Variants in GALNT18 observed in about 807,000 individuals in gnomAD.
GALNT18 encodes polypeptide N-acetylgalactosaminyltransferase 18.
In GALNT18, 44 loss-of-function variants were observed where a neutral mutation model predicts 69.5. The ratio of observed to expected loss-of-function variants is 0.63; its 90% CI spans 0.50 to 0.81. GALNT18 has a LOEUF of 0.81. GALNT18 is among the 40% of genes least tolerant of loss of function. The pLI is 0.00. For synonymous variants in GALNT18, 364 were observed against 318.2 expected (o/e 1.14, Z -1.53); for missense variants, 715 against 810.0 (o/e 0.88, Z 1.42).
chr11:11,327,952 C>T (rs1849953554), intron 8 of GALNT18, among the ~76,000 whole-genome samples: 1 of 152,172 alleles, frequency 6.6e-6, no homozygotes, highest in South Asian at 2.1e-4. Flanking sequence ...CACTCTCTTT[C>T]TCTGCCTCTC....
In GALNT18 at chr11:11,327,108, A is replaced by T; in HGVS notation, c.1490T>A (p.Ile497Asn). 4 of 1,613,714 alleles carry T rather than the reference A, an allele frequency of 2.5e-6. No individual in the cohort carries two copies. Among genetic ancestry groups the T allele is most frequent in the Non-Finnish European group, 3.4e-6 (4 of 1,179,626 alleles). ...CACCTGAGGCGTCATCCCATGGCAG[A>T]TGTACATGATGGGGACATTCTCTGT... is the stretch of plus-strand genomic sequence containing the variant. Reference protein sequence around the residue: ...PDTENVPIMYICHGMTPQNVY... With the variant: ...PDTENVPIMYNCHGMTPQNVY... The change falls in exon 9 of 11, where the codon ATC becomes AAC. Residue 497 changes from isoleucine (I) to asparagine (N), a missense_variant. Ile to Asn is a moderately radical substitution (Grantham distance 149). Transcript: ENST00000227756.
At chr11:11,364,249 C>A (rs991015729) in intron 6 of GALNT18, among the ~76,000 whole-genome samples, 1 of 152,210 alleles carries the variant, frequency 6.6e-6, no homozygotes, top group African/African-American at 2.4e-5. Flanking sequence ...TAAAATATTA[C>A]TATTTGGTAA....
intron 9 of GALNT18, among the ~76,000 whole-genome samples, chr11:11,296,816 T>C (rs1407240686): frequency 2.6e-5 from 4 of 152,156 alleles, no homozygotes; most frequent in African/African-American, 9.7e-5. Context: ...ATCACAAGGC[T>C]GGCAGATCAC....
In GALNT18 at chr11:11,430,145, TA is replaced by T. The variant is rs774751663; in HGVS notation, c.595+2475del. Reference sequence around the variant, plus strand: ...GACCCTGTCTCAAAAAAAACCAAAATAAAAAAAAGAATGCTTTTTAAAACAG... The same window carrying T: ...GACCCTGTCTCAAAAAAAACCAAAATAAAAAAAGAATGCTTTTTAAAACAG... On this transcript the variant is annotated intron_variant, in intron 3 of 10. Transcript: ENST00000227756. The surrounding 1 kb of genome is among the most constrained non-coding windows in gnomAD (Gnocchi z 4.9). Among the ~76,000 whole-genome samples the T allele has an allele frequency of 1.7e-3, 252 of 151,870 alleles. 1 individual carries two copies. The highest frequency in any genetic ancestry group is 3.4e-3 in the Middle Eastern group (1 of 294).
chr11:11,473,567 T>C (rs988442866), intron 1 of GALNT18, among the ~76,000 whole-genome samples: 2 of 152,118 alleles, frequency 1.3e-5, no homozygotes, highest in Non-Finnish European at 2.9e-5. Flanking sequence ...CAGAGTGAAA[T>C]ATGTGAGCTT....
intron 10 of GALNT18, among the ~76,000 whole-genome samples, chr11:11,284,671 C>G (rs1031795467): frequency 6.6e-5 from 10 of 152,256 alleles, no homozygotes; most frequent in African/African-American, 2.4e-4. Context: ...ATTCCACTTT[C>G]TTTTTTAATT....
intron 3 of GALNT18, among the ~76,000 whole-genome samples, chr11:11,416,387 G>A (rs925557285): frequency 6.6e-6 from 1 of 152,144 alleles, no homozygotes; most frequent in African/African-American, 2.4e-5. Flanking sequence ...TTCCTCCCGA[G>A]ACCAGGGTCG....
At chr11:11,399,209 T>A (rs1281753658) in intron 3 of GALNT18, among the ~76,000 whole-genome samples, 1 of 152,142 alleles carries the variant, frequency 6.6e-6, no homozygotes. Context: ...GAGAAGGGGC[T>A]TTCTGCAACA....
At chr11:11,399,613 A>C (rs1179253038) in intron 3 of GALNT18, among the ~76,000 whole-genome samples, 1 of 152,226 alleles carries the variant, frequency 6.6e-6, no homozygotes, top group Non-Finnish European at 1.5e-5. Flanking sequence ...GTGCAGTATA[A>C]TGGTTAAATG....
At chr11:11,612,647 G>A (rs1259773384) in intron 1 of GALNT18, among the ~76,000 whole-genome samples, 2 of 152,216 alleles carry the variant, frequency 1.3e-5, no homozygotes, top group Non-Finnish European at 2.9e-5. Context: ...GCACAAGTCA[G>A]ACTGGCGAAG....
chr11:11,367,556 G>A (rs1001792717), intron 6 of GALNT18, among the ~76,000 whole-genome samples: 4 of 152,276 alleles, frequency 2.6e-5, no homozygotes, highest in African/African-American at 9.6e-5. Context: ...GGAGAGGAGA[G>A]GGGTCTTTTC....
chr11:11,355,785 G>A (rs1161979621), intron 6 of GALNT18, among the ~76,000 whole-genome samples: 2 of 152,116 alleles, frequency 1.3e-5, no homozygotes, highest in Non-Finnish European at 2.9e-5. Context: ...AAGCAGGCCT[G>A]AGGAATAAAA....
At chr11:11,296,186 A>T (rs1251917798) in intron 9 of GALNT18, among the ~76,000 whole-genome samples, 7 of 152,202 alleles carry the variant, frequency 4.6e-5, no homozygotes, top group African/African-American at 1.7e-4. Context: ...GCCATGCCGC[A>T]TTAGGGAAAC....
chr11:11,451,143 T>G (rs61501466), intron 1 of GALNT18, among the ~76,000 whole-genome samples: 4,539 of 152,066 alleles, frequency 0.03, 240 homozygotes, highest in African/African-American at 0.1. Flanking sequence ...CTTGCCCAAA[T>G]CTCCATCTCA....
chr11:11,405,284 G>A (rs569154644), intron 3 of GALNT18, among the ~76,000 whole-genome samples: 4 of 152,194 alleles, frequency 2.6e-5, no homozygotes, highest in East Asian at 1.9e-4. Context: ...AGAAAACCAC[G>A]GCATCACTGT....
rs1191296320 is a variant in GALNT18, at chr11:11,511,554, T to C, written c.236-62618A>G. Among the ~76,000 whole-genome samples the C allele has an allele frequency of 6.6e-6, 1 of 152,242 alleles. No individual in the cohort carries two copies. Reference sequence around the variant, plus strand: ...AGAAAATCTGAGAAAAGGCTTGGACTATCTCTCCAGAAAATGCATACATGT... The same window carrying C: ...AGAAAATCTGAGAAAAGGCTTGGACCATCTCTCCAGAAAATGCATACATGT... On this transcript the variant is annotated intron_variant, in intron 1 of 10. Coordinates refer to ENST00000227756, the MANE Select transcript of GALNT18 (RefSeq NM_198516.3). This position sits in a 1 kb window ranked among gnomAD's most constrained non-coding sequence, Gnocchi z 4.9.
intron 1 of GALNT18, among the ~76,000 whole-genome samples, chr11:11,453,624 C>A (rs1001017463): frequency 6.6e-6 from 1 of 152,084 alleles, no homozygotes; most frequent in Non-Finnish European, 1.5e-5. Context: ...GGGAGGGACC[C>A]GGTGGAGGTA....
Position 11,337,066 on chromosome 11 carries a change from G to A in GALNT18, c.1278+3753C>T, listed in dbSNP as rs934713572. On this transcript the variant is annotated intron_variant, in intron 7 of 10. Transcript: ENST00000227756. The surrounding 1 kb of genome is among the most constrained non-coding windows in gnomAD (Gnocchi z 4.9). ...GCTAAATGGGTGTTACACAAACCTG[G>A]CCACCCTAAACTCTCATCTGGAGGG... Among the ~76,000 whole-genome samples, 1 of 152,104 alleles carries A rather than the reference G, an allele frequency of 6.6e-6. No homozygotes were observed. Among genetic ancestry groups the A allele is most frequent in the African/African-American group, 2.4e-5 (1 of 41,406 alleles).
chr11:11,578,464 T>G (rs1858985128), intron 1 of GALNT18, among the ~76,000 whole-genome samples: 1 of 152,206 alleles, frequency 6.6e-6, no homozygotes, highest in South Asian at 2.1e-4. Context: ...AAAAGAATTT[T>G]AATTAAAAAG....
Sources: allele counts gnomAD v4.1 joint callset (sites outside exome capture counted in the v4.1 genomes callset), GRCh38; gene constraint gnomAD v4.1.1; non-coding constraint Gnocchi (gnomAD v3.1); transcripts MANE v1.5; gene names NCBI Gene and HGNC (gene_info 2026-07-23, HGNC 2026-07-21).